Variants in SLC4A10 observed in about 807,000 individuals in gnomAD.
SLC4A10 encodes solute carrier family 4 member 10, also known as sodium-driven chloride bicarbonate exchanger.
In SLC4A10, 42 loss-of-function variants were observed where a neutral mutation model predicts 137.7. The ratio of observed to expected loss-of-function variants is 0.30; its 90% CI spans 0.24 to 0.39. The LOEUF (loss-of-function observed/expected upper bound fraction) is 0.39. Among genes scored for constraint, SLC4A10 ranks in the 10% least tolerant of loss-of-function variants. The pLI, the probability that SLC4A10 is intolerant of heterozygous loss-of-function variation, is 1.00. For missense variants in SLC4A10, 925 were observed against 1,355.0 expected (o/e 0.68, Z 4.98); for synonymous variants, 474 against 464.1 (o/e 1.02, Z -0.27).
At chr2:161,784,859 C>T (rs972303158) in intron 2 of SLC4A10, among the ~76,000 whole-genome samples, 3 of 150,014 alleles carry the variant, frequency 2.0e-5, no homozygotes, top group East Asian at 1.9e-4. Context: ...AAAAAACACA[C>T]TAGACCCAAA....
chr2:161,658,079 A>G (rs2037790375), intron 1 of SLC4A10, among the ~76,000 whole-genome samples: 1 of 152,144 alleles, frequency 6.6e-6, no homozygotes, highest in Non-Finnish European at 1.5e-5. Flanking sequence ...TCCTGCAAGC[A>G]ATGAGTAGCT....
chr2:161,650,730 C>T (rs545930472), intron 1 of SLC4A10, among the ~76,000 whole-genome samples: 3 of 152,252 alleles, frequency 2.0e-5, no homozygotes, highest in Non-Finnish European at 4.4e-5. Context: ...CCACTCAAGG[C>T]GGCACTTAAA....
At chr2:161,883,725 CT>C (rs1315825763) in intron 10 of SLC4A10, among the ~76,000 whole-genome samples, 5 of 152,204 alleles carry the variant, frequency 3.3e-5, no homozygotes, top group African/African-American at 1.2e-4. Context: ...TCTTCCCTGG[CT>C]TGTGGCAATA....
Position 161,915,583 on chromosome 2 carries a change from G to T in SLC4A10, c.1997+9696G>T, listed in dbSNP as rs530165796. Among the ~76,000 whole-genome samples, 36 of 152,280 alleles carry T rather than the reference G, an allele frequency of 2.4e-4. No homozygotes were observed. In the South Asian group the frequency reaches 4.3e-3, roughly 18 times the overall value. On this transcript the variant is annotated intron_variant, in intron 15 of 26. Transcript: ENST00000446997. ...TGGATGGTGGAGATAAGAGAGCATT[G>T]TAACATGCCCTCTGGGTCCTTGGGG...
chr2:161,627,111 C>G (rs978891711), intron 1 of SLC4A10, among the ~76,000 whole-genome samples: 1 of 152,002 alleles, frequency 6.6e-6, no homozygotes, highest in Admixed American at 6.6e-5. Context: ...TATGAAGTTC[C>G]TGACATTTAG....
intron 1 of SLC4A10, among the ~76,000 whole-genome samples, chr2:161,711,070 A>G (rs946101266): frequency 1.3e-5 from 2 of 151,858 alleles, no homozygotes; most frequent in Admixed American, 1.3e-4. Context: ...GTCAAACTGT[A>G]TCATTATGCA....
chr2:161,935,805 A>G (rs952648810), intron 15 of SLC4A10, among the ~76,000 whole-genome samples: 4 of 152,134 alleles, frequency 2.6e-5, no homozygotes, highest in Non-Finnish European at 5.9e-5. Context: ...GGCTATGACT[A>G]GAACTTCCAG....
intron 1 of SLC4A10, among the ~76,000 whole-genome samples, chr2:161,733,475 A>G (rs1429094206): frequency 6.6e-6 from 1 of 152,236 alleles, no homozygotes; most frequent in African/African-American, 2.4e-5. Flanking sequence ...CCTAGATTTC[A>G]GAGGATGCAT....
intron 1 of SLC4A10, among the ~76,000 whole-genome samples, chr2:161,678,235 G>A (rs2040472546): frequency 6.6e-6 from 1 of 152,098 alleles, no homozygotes; most frequent in Admixed American, 6.6e-5. Context: ...GGTACAAAAT[G>A]AGAATAGAGC....
intron 21 of SLC4A10, 65 bp downstream of exon 21, chr2:161,958,620 A>G (rs927508530): frequency 8.3e-7 from 1 of 1,206,966 alleles, no homozygotes; most frequent in African/African-American, 1.5e-5. Flanking sequence ...CTGATAAGTC[A>G]TGTGACAGCT....
At chr2:161,771,106 C>A in intron 2 of SLC4A10, 52 bp downstream of exon 2, 1 of 1,289,328 alleles carries the variant, frequency 7.8e-7, no homozygotes. Flanking sequence ...AAAAGTATTT[C>A]ACAGATAAAT....
intron 1 of SLC4A10, among the ~76,000 whole-genome samples, chr2:161,666,015 G>A (rs1202983189): frequency 1.3e-5 from 2 of 149,978 alleles, no homozygotes; most frequent in African/African-American, 4.9e-5. Flanking sequence ...TTATTTTATT[G>A]TAATGATACT....
At chr2:161,847,790 G>A (rs569924915) in intron 4 of SLC4A10, among the ~76,000 whole-genome samples, 2 of 152,240 alleles carry the variant, frequency 1.3e-5, no homozygotes, top group African/African-American at 4.8e-5. Context: ...AGGCACATAG[G>A]TTGATTCCAT....
intron 6 of SLC4A10, among the ~76,000 whole-genome samples, chr2:161,869,363 A>G (rs962419940): frequency 4.0e-5 from 6 of 151,696 alleles, no homozygotes; most frequent in Non-Finnish European, 8.9e-5. Context: ...CTTTTGAAAG[A>G]TGGTAATAAT....
At chr2:161,882,129 A>T (rs533790945) in intron 9 of SLC4A10, among the ~76,000 whole-genome samples, 5 of 111,810 alleles carry the variant, frequency 4.5e-5, no homozygotes, top group South Asian at 2.8e-4. Flanking sequence ...ACACTGTGAT[A>T]AAAAAAAAAA....
At chr2:161,906,756 T>G (rs1461092099) in intron 15 of SLC4A10, among the ~76,000 whole-genome samples, 1 of 152,164 alleles carries the variant, frequency 6.6e-6, no homozygotes, top group Non-Finnish European at 1.5e-5. Context: ...GTTTAAATTG[T>G]TGAAATCAGA....
chr2:161,722,628 G>A lies in SLC4A10; in HGVS notation c.49-48345G>A, dbSNP rs1364477041. Reference sequence around the variant, plus strand: ...ACAAGGTGTCTGGTGACCCCTTTTGGGGGGTCTCCCCAAGTCAAGAGGCAT... The same window carrying A: ...ACAAGGTGTCTGGTGACCCCTTTTGAGGGGTCTCCCCAAGTCAAGAGGCAT... On this transcript the variant is annotated intron_variant, in intron 1 of 26. Coordinates refer to ENST00000446997, the MANE Select transcript of SLC4A10 (RefSeq NM_001178015.2). Among the ~76,000 whole-genome samples the A allele has an allele frequency of 2.0e-5, 3 of 152,114 alleles. No homozygotes were observed. The East Asian group carries it at 5.8e-4, about 29-fold the overall frequency.
intron 15 of SLC4A10, among the ~76,000 whole-genome samples, chr2:161,911,602 C>A (rs938619436): frequency 4.6e-5 from 7 of 152,054 alleles, no homozygotes; most frequent in African/African-American, 1.7e-4. Context: ...GAATTGCTTG[C>A]AACATAACAT....
At position 161,760,612 on chromosome 2, in the gene SLC4A10, C is replaced by A. The variant is rs34785013; in HGVS notation, c.49-10361C>A. Among the ~76,000 whole-genome samples, 378 of 152,152 alleles carry A rather than the reference C, an allele frequency of 2.5e-3. 3 individuals carry two copies. The highest frequency in any genetic ancestry group is 3.4e-3 in the Non-Finnish European group (231 of 67,980). On this transcript the variant is annotated intron_variant, in intron 1 of 26. Transcript: ENST00000446997. ...TACTTATGACTAAACTATCACTTTT[C>A]CCCCTTGTCAGCCCAGCAAAGATTC...
Sources: allele counts gnomAD v4.1 joint callset (sites outside exome capture counted in the v4.1 genomes callset), GRCh38; gene constraint gnomAD v4.1.1; transcripts MANE v1.5; gene names NCBI Gene and HGNC (gene_info 2026-07-23, HGNC 2026-07-21).